Variants in SYTL4 observed in about 807,000 individuals in gnomAD.
SYTL4 encodes the protein synaptotagmin like 4.
In SYTL4, 16 loss-of-function variants were observed where a neutral mutation model predicts 52.7. The observed-to-expected ratio is 0.30, with a 90% CI of 0.21 to 0.46. SYTL4 has a LOEUF of 0.46. SYTL4 is among the 20% of genes least tolerant of loss of function. The probability of loss-of-function intolerance (pLI) is 1.00; values close to 1 mark genes in which losing one functional copy is unlikely to be tolerated. For missense variants in SYTL4, 423 were observed against 519.9 expected (o/e 0.81, Z 1.81); for synonymous variants, 160 against 186.6 (o/e 0.86, Z 1.16).
chrX:100,714,237 G>C (rs1406439453), intron 2 of SYTL4, among the ~76,000 whole-genome samples: 3 of 107,613 alleles, frequency 2.8e-5, no homozygotes, highest in Non-Finnish European at 3.8e-5. Context: ...TAAATTAATT[G>C]AAACACTAAA....
chrX:100,685,796 G>T, intron 16 of SYTL4, 194 bp downstream of exon 16: 1 of 399,994 alleles, frequency 2.5e-6, no homozygotes, highest in Non-Finnish European at 4.1e-6. Context: ...TTCACACTTT[G>T]CCTGGTTTAC....
At chrX:100,677,523 G>C (rs6616172) in intron 19 of SYTL4, among the ~76,000 whole-genome samples, 1 of 110,682 alleles carries the variant, frequency 9.0e-6, no homozygotes, top group African/African-American at 3.3e-5. Context: ...TATATTAATA[G>C]ACAAGTGCAG....
chrX:100,709,018 G>A (rs1047766547), intron 2 of SYTL4, among the ~76,000 whole-genome samples: 1 of 112,188 alleles, frequency 8.9e-6, no homozygotes, highest in Non-Finnish European at 1.9e-5. Context: ...ATAGCCCCAG[G>A]AGCTTGGCAC....
chrX:100,691,070 G>T, intron 9 of SYTL4, 38 bp downstream of exon 9: 2 of 1,030,762 alleles, frequency 1.9e-6, no homozygotes, highest in Non-Finnish European at 2.7e-6. Context: ...ATCACAACTT[G>T]GGTTGAGAGG....
intron 2 of SYTL4, among the ~76,000 whole-genome samples, chrX:100,727,963 G>A (rs923084653): frequency 9.0e-6 from 1 of 111,596 alleles, no homozygotes. Flanking sequence ...ATGTCAAATA[G>A]GTCATTGGAT....
intron 2 of SYTL4, among the ~76,000 whole-genome samples, chrX:100,723,695 C>T (rs1251500605): frequency 1.8e-5 from 2 of 109,958 alleles, no homozygotes; most frequent in Non-Finnish European, 3.8e-5. Context: ...TCTGCCCTGC[C>T]GCCCCGTCTG....
At chrX:100,709,030 G>A (rs1395132293) in intron 2 of SYTL4, among the ~76,000 whole-genome samples, 2 of 112,428 alleles carry the variant, frequency 1.8e-5, no homozygotes, top group East Asian at 5.6e-4. Flanking sequence ...GCTTGGCACA[G>A]TGTGTGACAC....
At chrX:100,719,338 C>G (rs1489675228) in intron 2 of SYTL4, among the ~76,000 whole-genome samples, 1 of 111,431 alleles carries the variant, frequency 9.0e-6, no homozygotes, top group Non-Finnish European at 1.9e-5. Flanking sequence ...TTTTTGGACC[C>G]AGGCCGTCTG....
At chrX:100,690,467 G>GGGGA in intron 10 of SYTL4, 96 bp downstream of exon 10, 1 of 599,655 alleles carries the variant, frequency 1.7e-6, no homozygotes. Context: ...GAAGAGTGAG[G>GGGGA]GGGAGGGAGG....
chrX:100,720,217 C>T (rs1208099681), intron 2 of SYTL4, among the ~76,000 whole-genome samples: 8 of 112,096 alleles, frequency 7.1e-5, no homozygotes, highest in Non-Finnish European at 1.5e-4. Context: ...GACACAAGAG[C>T]CTCATAGGCT....
At chrX:100,698,336 C>T (rs1048477818) in intron 8 of SYTL4, among the ~76,000 whole-genome samples, 2 of 111,280 alleles carry the variant, frequency 1.8e-5, no homozygotes, top group Non-Finnish European at 3.8e-5. Context: ...ATCTCCTGAC[C>T]TTGTGATCCG....
chrX:100,680,753 A>G (rs2083358211), intron 17 of SYTL4, among the ~76,000 whole-genome samples: 1 of 111,822 alleles, frequency 8.9e-6, no homozygotes, highest in African/African-American at 3.3e-5. Context: ...CCACTCCTAT[A>G]TCTGTGTCCT....
In SYTL4 at chrX:100,701,569, C is replaced by T. The variant is rs148610544; in HGVS notation, c.215G>A (p.Arg72His). The change falls in exon 6 of 20, where the codon CGT (arginine) becomes CAT (histidine). Residue 72 changes from arginine (R) to histidine (H), a missense_variant. Transcript: ENST00000372989. ...ACAAGTATTGGTTTTGGGACTCAAA[C>T]GGCCCAGGCTCTCCTGGCACCGGGC... ...TCARCQESLG[R>H]LSPKTNTCRG... The T allele has an allele frequency of 4.1e-5, 50 of 1,209,634 alleles. 1 individual carries two copies. In the African/African-American group the frequency reaches 6.1e-4, roughly 15 times the overall value.
At chrX:100,711,790 A>G (rs976783866) in intron 2 of SYTL4, among the ~76,000 whole-genome samples, 2 of 108,934 alleles carry the variant, frequency 1.8e-5, no homozygotes, top group African/African-American at 6.7e-5. Context: ...ATAAAGAAAA[A>G]TATACCATGT....
At chrX:100,700,181 C>G (rs1284280595) in intron 8 of SYTL4, among the ~76,000 whole-genome samples, 1 of 111,321 alleles carries the variant, frequency 9.0e-6, no homozygotes, top group Non-Finnish European at 1.9e-5. Context: ...ATACTAAAAA[C>G]TATTGCATTG....
intron 2 of SYTL4, among the ~76,000 whole-genome samples, chrX:100,724,226 G>GC (rs1165451716): frequency 2.0e-5 from 2 of 101,731 alleles, no homozygotes; most frequent in African/African-American, 3.7e-5. Flanking sequence ...CCGGCCAGCC[G>GC]CCCCGTCCAG....
intron 2 of SYTL4, among the ~76,000 whole-genome samples, chrX:100,709,860 T>C (rs1172300204): frequency 8.9e-6 from 1 of 112,247 alleles, no homozygotes; most frequent in Non-Finnish European, 1.9e-5. Flanking sequence ...TGAGTTAAAC[T>C]GTCTAGACGT....
intron 17 of SYTL4, among the ~76,000 whole-genome samples, 158 bp from the exon 18 acceptor site, chrX:100,679,570 G>T (rs1170774130): frequency 8.9e-6 from 1 of 112,253 alleles, no homozygotes; most frequent in Non-Finnish European, 1.9e-5. Flanking sequence ...CACAGTGCCT[G>T]CCAGTAAGCA....
intron 8 of SYTL4, among the ~76,000 whole-genome samples, chrX:100,691,421 C>T (rs1033991548): frequency 4.5e-5 from 5 of 112,247 alleles, no homozygotes; most frequent in Non-Finnish European, 7.5e-5. Context: ...CAGGTGCCAT[C>T]ATAGTGCACA....
Sources: gnomAD v4.1 joint callset for allele counts (sites outside exome capture counted in the v4.1 genomes callset) on GRCh38, gnomAD v4.1.1 for gene constraint, MANE v1.5 for transcripts, NCBI Gene and HGNC (gene_info 2026-07-23, HGNC 2026-07-21) for gene names.